HSPE1: variants seen among roughly 807,000 people sequenced by gnomAD.
The protein encoded by HSPE1 is heat shock protein family E (Hsp10) member 1.
In HSPE1, 1 loss-of-function variant was observed where a neutral mutation model predicts 13.2. The observed-to-expected ratio is 0.08, with a 90% confidence interval of 0.03 to 0.36. HSPE1 has a LOEUF of 0.36. Among genes scored for constraint, HSPE1 ranks in the 10% least tolerant of loss-of-function variants. HSPE1 has a pLI of 0.99. For synonymous variants in HSPE1, 44 were observed against 42.0 expected (o/e 1.05, Z -0.19); for missense variants, 73 against 118.7 (o/e 0.62, Z 1.79).
intron 2 of HSPE1, among the ~76,000 whole-genome samples, chr2:197,502,170 T>A (rs931394257): frequency 1.3e-5 from 2 of 152,168 alleles, no homozygotes; most frequent in African/African-American, 4.8e-5. Context: ...TCTTGTCCAA[T>A]CTGCAGCCTG....
intron 2 of HSPE1, among the ~76,000 whole-genome samples, chr2:197,501,931 CTCAGGATTCAAAA>C (rs1279386422): frequency 2.0e-5 from 3 of 152,124 alleles, no homozygotes; most frequent in Non-Finnish European, 2.9e-5. Context: ...ATCGTTTGAG[CTCAGGATTCAAAA>C]TCAGGAGTTC....
In HSPE1 at chr2:197,501,216, T is replaced by C. The variant is rs1286679343; in HGVS notation, c.146T>C (p.Val49Ala). 6.2e-7 allele frequency: 1 copy of C among 1,612,764 alleles called. No homozygotes were observed. The highest frequency in any genetic ancestry group is 8.5e-7 in the Non-Finnish European group (1 of 1,179,242). The change falls in exon 2 of 4, where the codon GTT becomes GCT. Residue 49 changes from valine to alanine, a missense_variant. Val to Ala is a moderately conservative substitution (Grantham distance 64). Transcript: ENST00000233893. ...GKVLQATVVA[V>A]GSGSKGKGGE... ...GTATTGCAAGCAACAGTAGTCGCTG[T>C]TGGATCGGGTTCTAAAGGAAAGGTA...
In HSPE1 at chr2:197,502,799, T is replaced by C. The variant is rs936012785; in HGVS notation, c.169-240T>C. Reference sequence around the variant, plus strand: ...TTTCCAGAATATTTTCTTGAACTTTTACGTTGGAGTCAGGTTTTAGTTTAA... The same window carrying C: ...TTTCCAGAATATTTTCTTGAACTTTCACGTTGGAGTCAGGTTTTAGTTTAA... On this transcript the variant is annotated intron_variant, in intron 2 of 3. Transcript: ENST00000233893. 2.0e-5 allele frequency among the ~76,000 whole-genome samples: 3 copies of C among 152,246 alleles called. No individual in the cohort carries two copies. The South Asian group carries it at 6.2e-4, about 31-fold the overall frequency.
In HSPE1 at chr2:197,501,290, A is replaced by G. The variant is rs775744688; in HGVS notation, c.168+52A>G. The G allele has an allele frequency of 3.3e-6, 5 of 1,527,772 alleles. No homozygotes were observed. The East Asian group carries it at 1.2e-4, about 37-fold the overall frequency. 94.6% of individuals were successfully genotyped at this position (1,527,772 alleles called of 1,614,324 possible). A position where few individuals can be genotyped will look rare whatever the true frequency, so the allele number is the denominator to read the frequency against. ...TTTTTATAGTGTGCAGTGGAGGGAA[A>G]AGAAGTAATTCTGGAGTATTAAAAG... On this transcript the variant is annotated intron_variant, in intron 2 of 3. Transcript: ENST00000233893.
At position 197,503,272 on chromosome 2, in the gene HSPE1, T is replaced by G. The variant is rs766031328; in HGVS notation, c.*13T>G. Reference sequence around the variant, plus strand: ...GTACGTAGACTGAAATAAGTCACTATTGAAATGGCATCAACATGATGCTGC... The same window carrying G: ...GTACGTAGACTGAAATAAGTCACTAGTGAAATGGCATCAACATGATGCTGC... On this transcript the variant is annotated 3_prime_UTR_variant, in exon 4 of 4. Transcript: ENST00000233893. 3 of 1,562,354 alleles carry G rather than the reference T, an allele frequency of 1.9e-6. No homozygotes were observed. The Admixed American group carries it at 5.0e-5, about 26-fold the overall frequency.
intron 1 of HSPE1, chr2:197,500,845 T>G (rs1347971252): frequency 3.3e-6 from 2 of 597,650 alleles, no homozygotes; most frequent in Non-Finnish European, 5.9e-6. Flanking sequence ...TTAAAGCTGG[T>G]CTGGTTGCTC....
chr2:197,501,530 C>T (rs925175087), intron 2 of HSPE1: 18 of 230,444 alleles, frequency 7.8e-5, no homozygotes, highest in Admixed American at 7.2e-4. Context: ...TTTGGGAGGC[C>T]GAGGTGTGCG....
At chr2:197,502,229 C>T (rs998608427) in intron 2 of HSPE1, among the ~76,000 whole-genome samples, 1 of 152,144 alleles carries the variant, frequency 6.6e-6, no homozygotes, top group Non-Finnish European at 1.5e-5. Flanking sequence ...TTTCTTAAAA[C>T]CTGATATTTC....
intron 1 of HSPE1, 65 bp from the exon 2 acceptor site, chr2:197,501,006 CGGT>C: frequency 6.4e-7 from 1 of 1,568,188 alleles, no homozygotes; most frequent in South Asian, 1.2e-5. Context: ...ATGTATAGCA[CGGT>C]GGCGTTGCCT....
Position 197,500,453 on chromosome 2 carries a change from G to A in HSPE1, c.3+14G>A. Reference sequence around the variant, plus strand: ...GAGGGAGTAATGGTGAGTCCCGCGTGGCCCCGAGGCCTGCAGGCCCGGGCC... The same window carrying A: ...GAGGGAGTAATGGTGAGTCCCGCGTAGCCCCGAGGCCTGCAGGCCCGGGCC... On this transcript the variant is annotated intron_variant, in intron 1 of 3. Transcript: ENST00000233893. The A allele has an allele frequency of 6.3e-7, 1 of 1,592,498 alleles. No homozygotes were observed. Among genetic ancestry groups the A allele is most frequent in the South Asian group, 1.1e-5 (1 of 88,300 alleles).
chr2:197,500,590 G>A (rs966294515), intron 1 of HSPE1, 151 bp downstream of exon 1: 15 of 1,205,064 alleles, frequency 1.2e-5, no homozygotes, highest in African/African-American at 4.5e-5. Flanking sequence ...GGCAAGGCCC[G>A]CCCGACCCTT....
At chr2:197,502,898 G>T (rs189318443) in intron 2 of HSPE1, 141 bp from the exon 3 acceptor site, 1 of 598,384 alleles carries the variant, frequency 1.7e-6, no homozygotes, top group African/African-American at 1.8e-5. Flanking sequence ...AGTATGAGTC[G>T]TATCACTTAG....
intron 1 of HSPE1, 150 bp downstream of exon 1, chr2:197,500,589 C>G (rs1215293856): frequency 1.7e-6 from 2 of 1,210,104 alleles, no homozygotes; most frequent in Non-Finnish European, 2.4e-6. Context: ...CGGCAAGGCC[C>G]GCCCGACCCT....
chr2:197,500,410 G>A lies in HSPE1; in HGVS notation c.-27G>A, dbSNP rs756657851. On this transcript the variant is annotated 5_prime_UTR_variant, in exon 1 of 4. Transcript: ENST00000233893. ...CTCTTTGCGGCGCTACACTAGAGCA[G>A]AGTACGAGTCTGAGGCGGAGGGAGT... 6.2e-7 allele frequency: 1 copy of A among 1,600,050 alleles called. No individual in the cohort carries two copies. Among genetic ancestry groups the A allele is most frequent in the South Asian group, 1.1e-5 (1 of 88,670 alleles).
chr2:197,503,326 G>C lies in HSPE1; in HGVS notation c.*67G>C. On this transcript the variant is annotated 3_prime_UTR_variant, in exon 4 of 4. Coordinates refer to ENST00000233893, the MANE Select transcript of HSPE1 (RefSeq NM_002157.3). ...TTCCACTGAAGTTCTGAAATCTTTC[G>C]TCATGTAAATAATTTCCATATTTCT... 1 of 971,552 alleles carries C rather than the reference G, an allele frequency of 1.0e-6. No individual in the cohort carries two copies. Among genetic ancestry groups the C allele is most frequent in the Non-Finnish European group, 1.6e-6 (1 of 627,556 alleles). 60.2% of individuals were successfully genotyped at this position (971,552 alleles called of 1,614,324 possible). A position where few individuals can be genotyped will look rare whatever the true frequency, so the allele number is the denominator to read the frequency against.
chr2:197,500,608 C>T lies in HSPE1; in HGVS notation c.3+169C>T, dbSNP rs555087829. The stretch of plus-strand genomic sequence containing the variant: ...AAGGCCCGCCCGACCCTTTTCTCCC[C>T]CAGGGCTCTTTGCACGCGCGTGTGC... On this transcript the variant is annotated intron_variant, in intron 1 of 3. Coordinates refer to ENST00000233893, the MANE Select transcript of HSPE1 (RefSeq NM_002157.3). 1.9e-4 allele frequency: 199 copies of T among 1,037,234 alleles called. 1 individual carries two copies. In the African/African-American group the frequency reaches 2.8e-3, roughly 14 times the overall value. 64.3% of individuals were successfully genotyped at this position (1,037,234 alleles called of 1,614,324 possible).
chr2:197,503,270 T>C lies in HSPE1; in HGVS notation c.*11T>C. 6.4e-7 allele frequency: 1 copy of C among 1,567,318 alleles called. No homozygotes were observed. The highest frequency in any genetic ancestry group is 8.7e-7 in the Non-Finnish European group (1 of 1,144,104). ...AAGTACGTAGACTGAAATAAGTCAC[T>C]ATTGAAATGGCATCAACATGATGCT... On this transcript the variant is annotated 3_prime_UTR_variant, in exon 4 of 4. Coordinates refer to ENST00000233893, the MANE Select transcript of HSPE1 (RefSeq NM_002157.3).
intron 1 of HSPE1, 177 bp from the exon 2 acceptor site, chr2:197,500,897 G>C: frequency 2.7e-6 from 2 of 741,058 alleles, no homozygotes. Flanking sequence ...GTAAGGAATC[G>C]GGAATTAAAC....
Position 197,500,414 on chromosome 2 carries a change from A to G in HSPE1, c.-23A>G. 1.2e-6 allele frequency: 2 copies of G among 1,600,850 alleles called. No individual in the cohort carries two copies. Among genetic ancestry groups the G allele is most frequent in the South Asian group, 2.3e-5 (2 of 88,788 alleles). On this transcript the variant is annotated 5_prime_UTR_variant, in exon 1 of 4. Transcript: ENST00000233893. ...TTGCGGCGCTACACTAGAGCAGAGT[A>G]CGAGTCTGAGGCGGAGGGAGTAATG...
Sources: gnomAD v4.1 joint callset for allele counts (sites outside exome capture counted in the v4.1 genomes callset) on GRCh38, gnomAD v4.1.1 for gene constraint, MANE v1.5 for transcripts, NCBI Gene and HGNC (gene_info 2026-07-23, HGNC 2026-07-21) for gene names.